The following RAP1GDS1 variants were observed in gnomAD, a reference collection of about 807,000 sequenced individuals.
RAP1GDS1 encodes the protein RAP1, GTP-GDP dissociation stimulator 1.
A neutral mutation model predicts 71.1 loss-of-function variants in RAP1GDS1; 35 were observed. The ratio of observed to expected loss-of-function variants is 0.49; its 90% CI spans 0.38 to 0.65. RAP1GDS1 has a LOEUF of 0.65. Among genes scored for constraint, RAP1GDS1 ranks in the 30% least tolerant of loss-of-function variants. RAP1GDS1 has a pLI of 0.00. For missense variants in RAP1GDS1, 663 were observed against 706.1 expected, an observed-to-expected ratio of 0.94 and a Z score of 0.69; for synonymous variants, 229 against 243.1, an observed-to-expected ratio of 0.94 and a Z score of 0.54.
At chr4:98,293,361 T>C (rs1392191120) in intron 1 of RAP1GDS1, 47 bp from the exon 2 acceptor site, 1 of 1,251,520 alleles carries the variant, frequency 8.0e-7, no homozygotes, top group East Asian at 2.3e-5. Flanking sequence ...ATGTAACATA[T>C]GGTGGTCATA....
chr4:98,380,742 T>C (rs953277045), intron 5 of RAP1GDS1, among the ~76,000 whole-genome samples: 2 of 151,850 alleles, frequency 1.3e-5, no homozygotes, highest in African/African-American at 4.8e-5. Context: ...TAACTGCATT[T>C]GGGCTTGGAC....
intron 2 of RAP1GDS1, among the ~76,000 whole-genome samples, chr4:98,295,739 G>A (rs1453409755): frequency 6.6e-6 from 1 of 151,898 alleles, no homozygotes; most frequent in Non-Finnish European, 1.5e-5. Flanking sequence ...TTAACATTGT[G>A]TTTTAAATTT....
At chr4:98,353,715 A>G (rs1360760503) in intron 4 of RAP1GDS1, among the ~76,000 whole-genome samples, 1 of 152,214 alleles carries the variant, frequency 6.6e-6, no homozygotes, top group Non-Finnish European at 1.5e-5. Context: ...TTCAGTTTTC[A>G]GTCCCCAGTA....
At chr4:98,265,855 C>CT (rs1722655301) in intron 1 of RAP1GDS1, among the ~76,000 whole-genome samples, 1 of 152,008 alleles carries the variant, frequency 6.6e-6, no homozygotes, top group Non-Finnish European at 1.5e-5. Context: ...AGAACAGGCT[C>CT]TAAGTGCTTT....
chr4:98,361,376 A>G (rs1176019975), intron 4 of RAP1GDS1, among the ~76,000 whole-genome samples: 2 of 152,124 alleles, frequency 1.3e-5, no homozygotes, highest in East Asian at 1.9e-4. Flanking sequence ...TCTAAATGCT[A>G]TGTAAAAGTA....
chr4:98,293,478 A>G lies in RAP1GDS1; in HGVS notation c.75A>G (p.Gly25=). ...ACAAGACTGAGGATAGTTTAGAAGG[A>G]TGCTTGGATTGTCTGCTTCAAGCCC... The part of the protein sequence containing the change: ...AVDKTEDSLE[G]CLDCLLQALA... The change falls in exon 2 of 15, where the codon GGA becomes GGG. Residue 25 remains glycine, a synonymous_variant. Transcript: ENST00000408927. The G allele has an allele frequency of 6.2e-7, 1 of 1,610,360 alleles. No individual in the cohort carries two copies. Among genetic ancestry groups the G allele is most frequent in the Non-Finnish European group, 8.5e-7 (1 of 1,178,652 alleles).
chr4:98,346,410 A>G (rs150174233), intron 3 of RAP1GDS1, among the ~76,000 whole-genome samples: 1 of 152,040 alleles, frequency 6.6e-6, no homozygotes, highest in Non-Finnish European at 1.5e-5. Flanking sequence ...TGTTTATTTT[A>G]GTATAAAATG....
At chr4:98,424,228 G>A (rs879728433) in intron 12 of RAP1GDS1, among the ~76,000 whole-genome samples, 1 of 151,984 alleles carries the variant, frequency 6.6e-6, no homozygotes, top group African/African-American at 2.4e-5. Context: ...TTGCCCACTC[G>A]CCCATGCTCT....
intron 2 of RAP1GDS1, among the ~76,000 whole-genome samples, chr4:98,298,170 T>C (rs1246352347): frequency 1.3e-5 from 2 of 152,174 alleles, no homozygotes; most frequent in Non-Finnish European, 2.9e-5. Flanking sequence ...GGTTGGTTCA[T>C]GAGGTTTAAG....
chr4:98,314,661 A>G (rs189677817), intron 2 of RAP1GDS1, among the ~76,000 whole-genome samples: 1 of 152,280 alleles, frequency 6.6e-6, no homozygotes, highest in African/African-American at 2.4e-5. Flanking sequence ...ACTATGCATT[A>G]GTTGGTAATC....
At chr4:98,404,649 A>C in intron 7 of RAP1GDS1, 47 bp downstream of exon 7, 2 of 1,563,738 alleles carry the variant, frequency 1.3e-6, no homozygotes, top group Non-Finnish European at 1.7e-6. Flanking sequence ...TGTATGCTTT[A>C]AACTTTTTTC....
intron 1 of RAP1GDS1, among the ~76,000 whole-genome samples, chr4:98,285,901 T>TTATAAA (rs1326061432): frequency 6.1e-5 from 9 of 147,378 alleles, no homozygotes; most frequent in African/African-American, 2.2e-4. Flanking sequence ...TAAATAAACA[T>TTATAAA]TATAAATTAT....
At chr4:98,377,102 T>C (rs544193588) in intron 4 of RAP1GDS1, among the ~76,000 whole-genome samples, 1 of 152,078 alleles carries the variant, frequency 6.6e-6, no homozygotes, top group South Asian at 2.1e-4. Context: ...ATTCCTAATA[T>C]ATGAATACAA....
chr4:98,408,125 G>T (rs568471239), intron 7 of RAP1GDS1, among the ~76,000 whole-genome samples: 16 of 147,866 alleles, frequency 1.1e-4, no homozygotes, highest in African/African-American at 4.0e-4. Context: ...TCCCTCCCCC[G>T]CAAGATGGAG....
At chr4:98,338,384 A>G (rs1465872510) in intron 2 of RAP1GDS1, among the ~76,000 whole-genome samples, 1 of 152,158 alleles carries the variant, frequency 6.6e-6, no homozygotes, top group Non-Finnish European at 1.5e-5. Flanking sequence ...AGGAGAGAGG[A>G]TTGGGGACTT....
intron 4 of RAP1GDS1, among the ~76,000 whole-genome samples, chr4:98,370,717 C>T (rs1016643603): frequency 1.1e-4 from 16 of 151,858 alleles, no homozygotes; most frequent in African/African-American, 2.2e-4. Context: ...ACTACAGGCG[C>T]GTGCCAACAC....
rs1206495160 is a variant in RAP1GDS1 at position 98,293,411 on chromosome 4, A to C, written c.8A>C (p.Asn3Thr). MD[N>T]LSDTLKKLKI... ...ATTTTTTTTTTTCTTTAAGCAGATAATCTCAGTGATACCTTGAAGAAGCTG... is the reference window on the plus strand; with the variant it reads ...ATTTTTTTTTTTCTTTAAGCAGATACTCTCAGTGATACCTTGAAGAAGCTG... The change falls in exon 2 of 15, where the codon AAT (asparagine) becomes ACT (threonine). Residue 3 changes from asparagine (N) to threonine (T), a missense_variant. Physicochemically the swap from Asn to Thr is moderately conservative, Grantham distance 65. Coordinates refer to ENST00000408927, the MANE Select transcript of RAP1GDS1 (RefSeq NM_001100427.2). The C allele has an allele frequency of 9.4e-6, 15 of 1,589,372 alleles. No individual in the cohort carries two copies. The highest frequency in any genetic ancestry group is 1.3e-5 in the Non-Finnish European group (15 of 1,170,796).
chr4:98,329,508 G>A (rs977880503), intron 2 of RAP1GDS1, among the ~76,000 whole-genome samples: 2 of 152,110 alleles, frequency 1.3e-5, no homozygotes, highest in Non-Finnish European at 2.9e-5. Flanking sequence ...GACCCATTAG[G>A]GCAAGGTGTG....
chr4:98,403,507 T>A (rs1237687524), intron 6 of RAP1GDS1, among the ~76,000 whole-genome samples: 1 of 152,156 alleles, frequency 6.6e-6, no homozygotes, highest in Non-Finnish European at 1.5e-5. Flanking sequence ...GATTTCACAG[T>A]ATGTCAAAAG....
Sources: allele counts gnomAD v4.1 joint callset (sites outside exome capture counted in the v4.1 genomes callset), GRCh38; gene constraint gnomAD v4.1.1; transcripts MANE v1.5; gene names NCBI Gene and HGNC (gene_info 2026-07-23, HGNC 2026-07-21).